The following EYS variants were observed in gnomAD, a reference collection of about 807,000 sequenced individuals.
EYS encodes the protein EGF-like photoreceptor maintenance factor.
EYS carries 250 observed loss-of-function variants against 282.1 expected under a neutral mutation model. That is an observed-to-expected ratio of 0.89 (90% CI 0.80 to 0.98). EYS has a LOEUF of 0.98. EYS is among the 50% of genes least tolerant of loss of function. The pLI, the probability that EYS is intolerant of heterozygous loss-of-function variation, is 0.00. For missense variants in EYS, 4,016 were observed against 3,709.0 expected (o/e 1.08, Z -2.15); for synonymous variants, 1,355 against 1,282.9 (o/e 1.06, Z -1.20).
chr6:64,799,436 C>G (rs930038032), intron 22 of EYS, among the ~76,000 whole-genome samples: 6 of 151,876 alleles, frequency 4.0e-5, no homozygotes, highest in African/African-American at 1.2e-4. Flanking sequence ...CTTATATACT[C>G]TATTCCATTT....
chr6:65,180,918 G>A (rs1404203258), intron 12 of EYS, among the ~76,000 whole-genome samples: 1 of 151,980 alleles, frequency 6.6e-6, no homozygotes, highest in Admixed American at 6.6e-5. Context: ...CTACAACCAT[G>A]TGATCTTTGA....
At chr6:64,433,756 C>A (rs1193349923) in intron 28 of EYS, among the ~76,000 whole-genome samples, 2 of 151,890 alleles carry the variant, frequency 1.3e-5, no homozygotes, top group African/African-American at 4.8e-5. Context: ...TTTAAAAAAT[C>A]TTAAACATCT....
At chr6:65,216,813 CA>C (rs1439078138) in intron 12 of EYS, among the ~76,000 whole-genome samples, 1 of 151,724 alleles carries the variant, frequency 6.6e-6, no homozygotes, top group Non-Finnish European at 1.5e-5. Flanking sequence ...TATTATACAT[CA>C]AAATTTATTT....
intron 30 of EYS, among the ~76,000 whole-genome samples, chr6:64,276,743 T>C (rs1489038500): frequency 6.6e-6 from 1 of 152,094 alleles, no homozygotes; most frequent in Non-Finnish European, 1.5e-5. Flanking sequence ...AAATAATACT[T>C]CCTTGCCATA....
intron 13 of EYS, among the ~76,000 whole-genome samples, chr6:64,998,965 T>G (rs1449422631): frequency 6.6e-6 from 1 of 152,200 alleles, no homozygotes; most frequent in African/African-American, 2.4e-5. Context: ...ACGTGTTCTA[T>G]GAAGACAAAT....
chr6:64,673,262 A>T (rs890723868), intron 22 of EYS, among the ~76,000 whole-genome samples: 2 of 152,108 alleles, frequency 1.3e-5, no homozygotes, highest in Non-Finnish European at 2.9e-5. Flanking sequence ...CAGGACACAG[A>T]AGCGACTGTA....
chr6:65,555,888 T>A (rs1768781601), intron 2 of EYS, among the ~76,000 whole-genome samples: 1 of 152,174 alleles, frequency 6.6e-6, no homozygotes, highest in African/African-American at 2.4e-5. Flanking sequence ...ATAAGGCAAT[T>A]GAAACTTTTA....
chr6:63,925,274 G>A (rs1381878528), intron 35 of EYS, among the ~76,000 whole-genome samples: 2 of 151,996 alleles, frequency 1.3e-5, no homozygotes, highest in Non-Finnish European at 2.9e-5. Flanking sequence ...CTAATTTACT[G>A]GTATTCTTCA....
chr6:64,673,797 G>A (rs968357893), intron 22 of EYS, among the ~76,000 whole-genome samples: 1 of 151,982 alleles, frequency 6.6e-6, no homozygotes, highest in Non-Finnish European at 1.5e-5. Flanking sequence ...ATGTTTTAAT[G>A]ATGCCTACTA....
chr6:64,916,037 C>T (rs533480106), intron 15 of EYS, among the ~76,000 whole-genome samples: 63 of 152,000 alleles, frequency 4.1e-4, no homozygotes, highest in Non-Finnish European at 8.2e-4. Flanking sequence ...ATTTATTTTG[C>T]TTGAAATAAC....
At chr6:64,385,527 G>C (rs930593931) in intron 29 of EYS, among the ~76,000 whole-genome samples, 2 of 152,134 alleles carry the variant, frequency 1.3e-5, no homozygotes, top group Non-Finnish European at 2.9e-5. Flanking sequence ...CAAATGTCCA[G>C]TTCCCTTACA....
chr6:64,104,235 G>T (rs191144955), intron 31 of EYS, among the ~76,000 whole-genome samples: 1 of 152,160 alleles, frequency 6.6e-6, no homozygotes, highest in Non-Finnish European at 1.5e-5. Flanking sequence ...GAATTGCTAT[G>T]ATAAAGAGGA....
chr6:64,034,662 A>C (rs967353859), intron 33 of EYS, among the ~76,000 whole-genome samples: 3 of 152,200 alleles, frequency 2.0e-5, no homozygotes, highest in African/African-American at 7.2e-5. Context: ...GGTGATTCCC[A>C]TGTGCGACCA....
At chr6:64,801,556 G>A (rs1055251200) in intron 22 of EYS, among the ~76,000 whole-genome samples, 1 of 151,958 alleles carries the variant, frequency 6.6e-6, no homozygotes, top group Non-Finnish European at 1.5e-5. Flanking sequence ...GATGATAACT[G>A]ACTCTGTAAA....
Position 63,791,351 on chromosome 6 carries a change from G to A in EYS, c.7412-2127C>T, listed in dbSNP as rs554711786. On this transcript the variant is annotated intron_variant, in intron 37 of 42. Coordinates refer to ENST00000503581, the MANE Select transcript of EYS (RefSeq NM_001142800.2). ...GAGACCGAGGCGGGCAGATCATGAGGTCAGGAGATCAAGACCATCCTGGCC... is the reference window on the plus strand; with the variant it reads ...GAGACCGAGGCGGGCAGATCATGAGATCAGGAGATCAAGACCATCCTGGCC... 7.9e-5 allele frequency among the ~76,000 whole-genome samples: 12 copies of A among 152,202 alleles called. No individual in the cohort carries two copies. In the South Asian group the frequency reaches 1.7e-3, roughly 21 times the overall value.
At chr6:65,283,699 CT>C (rs999477383) in intron 12 of EYS, among the ~76,000 whole-genome samples, 1 of 151,712 alleles carries the variant, frequency 6.6e-6, no homozygotes, top group Non-Finnish European at 1.5e-5. Flanking sequence ...ATTTCATAAC[CT>C]TTTTTTCACA....
intron 13 of EYS, among the ~76,000 whole-genome samples, chr6:65,030,026 G>A (rs893578717): frequency 2.6e-5 from 4 of 152,190 alleles, no homozygotes; most frequent in Non-Finnish European, 4.4e-5. Flanking sequence ...GCTGTTTAGA[G>A]AGGTCAGACC....
chr6:64,186,393 TAAG>T (rs939089084), intron 31 of EYS, among the ~76,000 whole-genome samples: 4 of 152,134 alleles, frequency 2.6e-5, no homozygotes, highest in African/African-American at 9.7e-5. Context: ...TTTGTTACAT[TAAG>T]AAGATTAAAA....
At chr6:65,695,550 G>A (rs1769418727) in intron 1 of EYS, among the ~76,000 whole-genome samples, 1 of 151,874 alleles carries the variant, frequency 6.6e-6, no homozygotes, top group South Asian at 2.1e-4. Context: ...AATGGTAGAA[G>A]TCAGTGAAGG....
Sources: gnomAD v4.1 joint callset for allele counts (sites outside exome capture counted in the v4.1 genomes callset) on GRCh38, gnomAD v4.1.1 for gene constraint, MANE v1.5 for transcripts, NCBI Gene and HGNC (gene_info 2026-07-23, HGNC 2026-07-21) for gene names.